Variants in ZNF185 observed in about 807,000 individuals in gnomAD.
ZNF185 encodes the protein zinc finger protein 185 with LIM domain, also known as zinc finger protein 185.
In ZNF185, 56 loss-of-function variants were observed where a neutral mutation model predicts 58.6. The ratio of observed to expected loss-of-function variants is 0.95; its 90% CI spans 0.77 to 1.19. ZNF185 has a LOEUF of 1.19. Ranked by LOEUF, ZNF185 falls within the 50% of genes most tolerant of loss-of-function variation. The pLI is 0.00. For synonymous variants in ZNF185, 230 were observed against 215.9 expected (o/e 1.07, Z -0.57); for missense variants, 627 against 573.5 (o/e 1.09, Z -0.95).
chrX:152,945,668 G>C (rs1430613601), intron 16 of ZNF185, among the ~76,000 whole-genome samples: 1 of 111,768 alleles, frequency 8.9e-6, no homozygotes, highest in Non-Finnish European at 1.9e-5. Context: ...GGAGCTGGGA[G>C]GGGACTGTGA....
intron 15 of ZNF185, chrX:152,941,762 C>T (rs887952055): frequency 1.4e-5 from 16 of 1,163,250 alleles, no homozygotes; most frequent in Non-Finnish European, 1.8e-5. Context: ...AGGCCATGCC[C>T]GTGCCGGCCG....
chrX:152,913,328 C>T (rs1937627951), upstream of ZNF185, among the ~76,000 whole-genome samples: 1 of 112,481 alleles, frequency 8.9e-6, no homozygotes. Context: ...CTCAGGGCTC[C>T]CTGCAGCTCT....
In ZNF185 at chrX:152,920,314, C is replaced by T. The variant is rs1939442225; in HGVS notation, c.531-14C>T. 2 of 1,205,866 alleles carry T rather than the reference C, an allele frequency of 1.7e-6. No homozygotes were observed. Among genetic ancestry groups the T allele is most frequent in the African/African-American group, 3.5e-5 (2 of 57,122 alleles). ...GGCACCCATCAGATGCTCCCCCATC[C>T]CGTGTCACCCCAGGTCAGAGGCTGC... On this transcript the variant is annotated splice_polypyrimidine_tract_variant and intron_variant, in intron 7 of 22. Coordinates refer to ENST00000449285, the Ensembl canonical transcript of ZNF185.
chrX:152,943,140 G>A (rs1556891695), intron 15 of ZNF185, among the ~76,000 whole-genome samples: 2 of 110,881 alleles, frequency 1.8e-5, no homozygotes, highest in African/African-American at 6.6e-5. Flanking sequence ...AAGTAGCTGG[G>A]ACTACAGGCA....
At chrX:152,936,552 G>T in intron 14 of ZNF185, 39 bp downstream of exon 16, 1 of 1,104,934 alleles carries the variant, frequency 9.1e-7, no homozygotes. Flanking sequence ...CTATCCCATT[G>T]CCAGACACAG....
rs200258664 is a variant in ZNF185 at position 152,922,269 on chromosome X, G to A, written c.740+13G>A. On this transcript the variant is annotated intron_variant, in intron 10 of 22. Coordinates refer to ENST00000449285, the Ensembl canonical transcript of ZNF185. ...CTGGCTCAAACAGGTAATCCATTGC[G>A]CTCATCTCTGCCTGGGGCTGGTGGC... The A allele has an allele frequency of 1.3e-5, 15 of 1,162,688 alleles. No homozygotes were observed. The highest frequency in any genetic ancestry group is 7.6e-5 in the South Asian group (4 of 52,292).
At chrX:152,918,944 G>A (rs373098485) in intron 6 of ZNF185, 39 bp from the exon 8 acceptor site, 5 of 1,069,706 alleles carry the variant, frequency 4.7e-6, no homozygotes, top group Non-Finnish European at 6.5e-6. Flanking sequence ...TGCTGAGGGT[G>A]GCAGCCTATG....
intron 15 of ZNF185, among the ~76,000 whole-genome samples, chrX:152,938,863 T>C (rs782312840): frequency 1.7e-4 from 17 of 102,855 alleles, no homozygotes; most frequent in Admixed American, 5.0e-4. Flanking sequence ...GTGAGGAGGG[T>C]ACTACTTAGG....
chrX:152,914,854 G>A (rs1556864424), intron 2 of ZNF185, 21 bp downstream of exon 3: 1 of 1,174,615 alleles, frequency 8.5e-7, no homozygotes, highest in Admixed American at 2.5e-5. Flanking sequence ...GAGGCGGGGA[G>A]GGACCGCAGC....
the ZNF185 span, among the ~76,000 whole-genome samples, chrX:152,906,063 C>T: frequency 8.3e-3 from 938 of 112,402 alleles, 6 homozygotes; most frequent in Admixed American, 0.017. Context: ...CCACCCTTAT[C>T]GAGTGGTAGG....
intron 19 of ZNF185, among the ~76,000 whole-genome samples, chrX:152,966,467 T>C (rs1556914793): frequency 9.0e-6 from 1 of 111,080 alleles, no homozygotes; most frequent in East Asian, 2.8e-4. Flanking sequence ...CTCTGGGGCT[T>C]CTGGACTGGC....
chrX:152,971,679 C>T (rs1318639369), exon 23 of ZNF185: 2 of 111,992 alleles, frequency 1.8e-5, no homozygotes, highest in African/African-American at 6.5e-5. Context: ...GTTGATGATC[C>T]CTGGTGGGTA....
At chrX:152,957,073 A>ATT (rs34728203) in intron 16 of ZNF185, among the ~76,000 whole-genome samples, 2 of 97,423 alleles carry the variant, frequency 2.1e-5, no homozygotes, top group East Asian at 6.4e-4. Context: ...TACAAGGTTA[A>ATT]TTTTTTTTTT....
At position 152,914,721 on chromosome X, in the gene ZNF185, C is replaced by T; in HGVS notation, c.46C>T (p.Pro16Ser). ...TTTTCCCACCACAGGGAAGCCTCTG[C>T]CACCAGGCGAGGAGGAGCGCAATAA... Residue 16 changes from proline to serine, a missense_variant, in exon 2 of 23, where the codon CCA (proline) becomes TCA (serine). Pro to Ser is a moderately conservative substitution (Grantham distance 74, BLOSUM62 -1). Transcript: ENST00000449285. 8.3e-7 allele frequency: 1 copy of T among 1,199,726 alleles called. No homozygotes were observed. The highest frequency in any genetic ancestry group is 1.1e-6 in the Non-Finnish European group (1 of 889,750).
At chrX:152,954,228 G>C in intron 16 of ZNF185, among the ~76,000 whole-genome samples, 1 of 110,394 alleles carries the variant, frequency 9.1e-6, no homozygotes, top group East Asian at 2.8e-4. Flanking sequence ...AAGCAAAGGG[G>C]AACCTGTTTG....
At chrX:152,942,689 C>T (rs1468391171) in intron 15 of ZNF185, among the ~76,000 whole-genome samples, 2 of 112,139 alleles carry the variant, frequency 1.8e-5, no homozygotes, top group African/African-American at 3.2e-5. Flanking sequence ...CTGTTTTCCT[C>T]ATTATGTTGC....
chrX:152,909,218 T>C, the ZNF185 span, among the ~76,000 whole-genome samples: 1 of 112,686 alleles, frequency 8.9e-6, no homozygotes, highest in Non-Finnish European at 1.9e-5. Flanking sequence ...AGGGTTTATC[T>C]GCCAGGCCTC....
chrX:152,928,110 C>T (rs1325178338), intron 11 of ZNF185, among the ~76,000 whole-genome samples: 5 of 106,192 alleles, frequency 4.7e-5, no homozygotes, highest in Non-Finnish European at 8.0e-5. Flanking sequence ...CCTTTGTCCT[C>T]ATCCCCGAGT....
intron 14 of ZNF185, among the ~76,000 whole-genome samples, 181 bp downstream of exon 16, chrX:152,936,694 A>G (rs923365254): frequency 5.4e-5 from 6 of 110,739 alleles, no homozygotes; most frequent in Non-Finnish European, 1.1e-4. Flanking sequence ...GGGCAGTGGA[A>G]GAAGAGGGAT....
Sources: allele counts gnomAD v4.1 joint callset (sites outside exome capture counted in the v4.1 genomes callset), GRCh38; gene constraint gnomAD v4.1.1; transcripts MANE v1.5; gene names NCBI Gene and HGNC (gene_info 2026-07-23, HGNC 2026-07-21).